PDS5B: variants seen among roughly 807,000 people sequenced by gnomAD.
PDS5B encodes the protein sister chromatid cohesion protein PDS5 homolog B.
PDS5B carries 51 observed loss-of-function variants against 184.1 expected under a neutral mutation model. The ratio of observed to expected loss-of-function variants is 0.28; its 90% CI spans 0.22 to 0.35. PDS5B has a LOEUF of 0.35. Ranked by LOEUF, PDS5B falls within the 10% of genes least tolerant of loss-of-function variation. The probability of loss-of-function intolerance (pLI) is 1.00; values close to 1 mark genes in which losing one functional copy is unlikely to be tolerated. For synonymous variants in PDS5B, 566 were observed against 569.2 expected (o/e 0.99, Z 0.08); for missense variants, 1,180 against 1,723.3 (o/e 0.68, Z 5.58).
intron 30 of PDS5B, among the ~76,000 whole-genome samples, chr13:32,761,210 C>T (rs1010253052): frequency 6.6e-6 from 1 of 152,074 alleles, no homozygotes; most frequent in Admixed American, 6.5e-5. Context: ...TATGCAAAAT[C>T]TTAACAGTAT....
intron 1 of PDS5B, among the ~76,000 whole-genome samples, chr13:32,616,059 CTT>C (rs1018388752): frequency 1.4e-5 from 2 of 145,544 alleles, no homozygotes; most frequent in Non-Finnish European, 1.5e-5. Context: ...CTCTCTCTCT[CTT>C]TTTTTTTTTG....
At chr13:32,687,468 T>C (rs1361218697) in intron 12 of PDS5B, among the ~76,000 whole-genome samples, 183 bp downstream of exon 12, 1 of 152,180 alleles carries the variant, frequency 6.6e-6, no homozygotes, top group African/African-American at 2.4e-5. Flanking sequence ...AATGTACATA[T>C]AACTTTAGGG....
At chr13:32,697,151 C>T (rs1164440504) in intron 15 of PDS5B, among the ~76,000 whole-genome samples, 1 of 152,168 alleles carries the variant, frequency 6.6e-6, no homozygotes, top group Non-Finnish European at 1.5e-5. Context: ...TCTAATGTGA[C>T]TGACTGAAGC....
intron 1 of PDS5B, among the ~76,000 whole-genome samples, chr13:32,623,259 T>C (rs2058326344): frequency 6.6e-6 from 1 of 152,240 alleles, no homozygotes; most frequent in South Asian, 2.1e-4. Context: ...ATAAGAGCAA[T>C]TGGAGAAGTT....
chr13:32,630,789 CTT>C (rs59791239), intron 1 of PDS5B, among the ~76,000 whole-genome samples: 1 of 141,708 alleles, frequency 7.1e-6, no homozygotes, highest in African/African-American at 2.6e-5. Flanking sequence ...CTCTTCCTTA[CTT>C]TTTTTTTTTT....
chr13:32,693,000 G>A (rs1042652617), intron 13 of PDS5B, among the ~76,000 whole-genome samples: 6 of 151,922 alleles, frequency 3.9e-5, no homozygotes, highest in African/African-American at 1.4e-4. Flanking sequence ...TTAAGTGAAA[G>A]TAAGCTTCAA....
chr13:32,726,543 A>G (rs1183991665), intron 19 of PDS5B, among the ~76,000 whole-genome samples: 1 of 152,176 alleles, frequency 6.6e-6, no homozygotes, highest in South Asian at 2.1e-4. Flanking sequence ...CATTCTCACT[A>G]GCAGTATGTA....
intron 29 of PDS5B, among the ~76,000 whole-genome samples, chr13:32,760,131 A>G (rs1328163325): frequency 2.0e-5 from 3 of 151,970 alleles, no homozygotes; most frequent in South Asian, 4.2e-4. Flanking sequence ...AATTTTTTGT[A>G]TTTTTAGTAG....
intron 1 of PDS5B, among the ~76,000 whole-genome samples, chr13:32,600,680 A>C (rs1292776928): frequency 6.6e-6 from 1 of 152,204 alleles, no homozygotes; most frequent in Non-Finnish European, 1.5e-5. Context: ...CAGAGGTTGC[A>C]GTGAGCCGAG....
chr13:32,688,701 C>T (rs1365404700), intron 13 of PDS5B, 132 bp downstream of exon 13: 2 of 636,328 alleles, frequency 3.1e-6, no homozygotes, highest in African/African-American at 1.8e-5. Flanking sequence ...AGGGTTATGT[C>T]GTAGTACTTG....
chr13:32,612,348 G>A (rs1197954825), intron 1 of PDS5B, among the ~76,000 whole-genome samples: 3 of 152,038 alleles, frequency 2.0e-5, no homozygotes, highest in African/African-American at 7.2e-5. Context: ...GATTACAGAC[G>A]TGAGCCACCA....
chr13:32,670,369 A>G (rs1950904392), intron 7 of PDS5B, among the ~76,000 whole-genome samples: 1 of 152,124 alleles, frequency 6.6e-6, no homozygotes, highest in African/African-American at 2.4e-5. Context: ...GGAATGAAAC[A>G]CCATGTCTGG....
chr13:32,675,991 A>G (rs766475754), intron 9 of PDS5B, 32 bp downstream of exon 9: 3 of 1,261,906 alleles, frequency 2.4e-6, no homozygotes, highest in Non-Finnish European at 2.3e-6. Flanking sequence ...TTTAAAAGTA[A>G]TACATTATTC....
chr13:32,769,491 A>G (rs1253289475), intron 31 of PDS5B, among the ~76,000 whole-genome samples: 1 of 152,230 alleles, frequency 6.6e-6, no homozygotes, highest in Non-Finnish European at 1.5e-5. Flanking sequence ...CTGAATATAG[A>G]CTAGGATTTT....
intron 1 of PDS5B, among the ~76,000 whole-genome samples, chr13:32,590,676 C>G (rs1234110831): frequency 6.6e-6 from 1 of 152,146 alleles, no homozygotes; most frequent in African/African-American, 2.4e-5. Context: ...AGGATTCTTT[C>G]TCCTCAGAGG....
chr13:32,603,775 A>G (rs1380014745), intron 1 of PDS5B, among the ~76,000 whole-genome samples: 1 of 152,196 alleles, frequency 6.6e-6, no homozygotes, highest in African/African-American at 2.4e-5. Flanking sequence ...AGTGGTTTGT[A>G]GTTCTCTTTG....
intron 19 of PDS5B, among the ~76,000 whole-genome samples, chr13:32,726,821 C>T (rs1042894703): frequency 3.3e-5 from 5 of 152,134 alleles, no homozygotes; most frequent in African/African-American, 7.2e-5. Flanking sequence ...GAATATGAGG[C>T]GGGAGGATCA....
At position 32,770,566 on chromosome 13, in the gene PDS5B, CA is replaced by C; in HGVS notation, c.4064+7del. The C allele has an allele frequency of 6.2e-7, 1 of 1,603,184 alleles. No individual in the cohort carries two copies. Among genetic ancestry groups the C allele is most frequent in the Non-Finnish European group, 8.5e-7 (1 of 1,176,698 alleles). On this transcript the variant is annotated splice_region_variant and intron_variant, in intron 32 of 34. Transcript: ENST00000315596. ...TCAAGGAGAGCACAGCAGAGGTAAG[CA>C]TGTGTAACTCTAAACTGCATCTGTT...
chr13:32,749,257 A>G (rs1334184153), intron 24 of PDS5B, among the ~76,000 whole-genome samples: 2 of 151,944 alleles, frequency 1.3e-5, no homozygotes, highest in Non-Finnish European at 2.9e-5. Flanking sequence ...CACACATCCA[A>G]CCTAACCCTT....
Sources: allele counts gnomAD v4.1 joint callset (sites outside exome capture counted in the v4.1 genomes callset), GRCh38; gene constraint gnomAD v4.1.1; transcripts MANE v1.5; gene names NCBI Gene and HGNC (gene_info 2026-07-23, HGNC 2026-07-21).